The following PIK3CD variants were observed in gnomAD, a reference collection of about 807,000 sequenced individuals.
PIK3CD encodes phosphatidylinositol 4,5-bisphosphate 3-kinase catalytic subunit delta isoform.
In PIK3CD, 20 loss-of-function variants were observed where a neutral mutation model predicts 122.9. That is an observed-to-expected ratio of 0.16 (90% CI 0.11 to 0.24). The LOEUF (loss-of-function observed/expected upper bound fraction) is 0.24, where lower values mean the gene tolerates loss of function less well. Among genes scored for constraint, PIK3CD ranks in the 10% least tolerant of loss-of-function variants. The pLI is 1.00. For missense variants in PIK3CD, 787 were observed against 1,406.3 expected (o/e 0.56, Z 7.04); for synonymous variants, 596 against 593.4 (o/e 1.00, Z -0.06).
intron 1 of PIK3CD, among the ~76,000 whole-genome samples, chr1:9,670,916 C>A (rs1488395639): frequency 6.6e-6 from 1 of 151,962 alleles, no homozygotes; most frequent in African/African-American, 2.4e-5. Flanking sequence ...CACCACCACA[C>A]CCAGCTAATT....
At chr1:9,668,808 G>C (rs1372028509) in intron 1 of PIK3CD, among the ~76,000 whole-genome samples, 1 of 152,180 alleles carries the variant, frequency 6.6e-6, no homozygotes, top group Non-Finnish European at 1.5e-5. Context: ...CTGGCTGACT[G>C]GATCTGGGTG....
intron 2 of PIK3CD, among the ~76,000 whole-genome samples, chr1:9,706,953 C>T (rs547859821): frequency 2.0e-5 from 3 of 151,396 alleles, no homozygotes; most frequent in Non-Finnish European, 4.4e-5. Context: ...TACAGGCACG[C>T]TCCACCATGC....
rs190976097 is a variant in PIK3CD, at chr1:9,708,083, C to T, written c.-32-2341C>T. On this transcript the variant is annotated intron_variant, in intron 2 of 23. Coordinates refer to ENST00000377346, the MANE Select transcript of PIK3CD (RefSeq NM_005026.5). ...TGCTGAGATTACAGGCGTGAGCCACCGCGCCTGGTCCCGCCTGGGTAAATC... is the reference window on the plus strand; with the variant it reads ...TGCTGAGATTACAGGCGTGAGCCACTGCGCCTGGTCCCGCCTGGGTAAATC... 5.3e-3 allele frequency among the ~76,000 whole-genome samples: 813 copies of T among 152,218 alleles called. 18 individuals are homozygous for T. The highest frequency in any genetic ancestry group is 0.044 in the East Asian group (226 of 5,174).
In PIK3CD at chr1:9,710,632, C is replaced by CAGAGAGAG. The variant is rs34885574; in HGVS notation, c.141+52_141+59dup. 9 of 1,528,106 alleles carry CAGAGAGAG rather than the reference C, an allele frequency of 5.9e-6. No individual in the cohort carries two copies. The highest frequency in any genetic ancestry group is 4.2e-5 in the African/African-American group (3 of 71,970). 94.7% of individuals were successfully genotyped at this position (1,528,106 alleles called of 1,614,324 possible). ...CATCCGGTCCTCAGACCTTGGTGCT[C>CAGAGAGAG]AGAGAGAGAGAGAGAGAGAGAGACA... On this transcript the variant is annotated intron_variant, in intron 3 of 23. Transcript: ENST00000377346. This position sits in a 1 kb window ranked among gnomAD's most constrained non-coding sequence, Gnocchi z 4.7.
chr1:9,704,775 A>G lies in PIK3CD; in HGVS notation c.-32-5649A>G, dbSNP rs1433379881. ...GTGATCCACTGGCCTCAGCCTCCCA[A>G]AGTGCTGGGATTACAGGCGTGAGCC... On this transcript the variant is annotated intron_variant, in intron 2 of 23. Transcript: ENST00000377346. This position sits in a 1 kb window ranked among gnomAD's most constrained non-coding sequence, Gnocchi z 5.0. Among the ~76,000 whole-genome samples, 1 of 152,196 alleles carries G rather than the reference A, an allele frequency of 6.6e-6. No homozygotes were observed. The highest frequency in any genetic ancestry group is 1.5e-5 in the Non-Finnish European group (1 of 68,012).
At chr1:9,699,145 G>C (rs910481218) in intron 2 of PIK3CD, among the ~76,000 whole-genome samples, 2 of 152,168 alleles carry the variant, frequency 1.3e-5, no homozygotes, top group Admixed American at 1.3e-4. Flanking sequence ...ACGAGGTCAA[G>C]GCTACAGTGA....
At chr1:9,627,356 C>T in the PIK3CD span, among the ~76,000 whole-genome samples, 417 of 152,358 alleles carry the variant, frequency 2.7e-3, 2 homozygotes, top group African/African-American at 9.4e-3. Context: ...AGGTGTGCAC[C>T]TCCACAGCTG....
chr1:9,673,180 C>A (rs1313927825), intron 1 of PIK3CD, among the ~76,000 whole-genome samples: 2 of 151,578 alleles, frequency 1.3e-5, no homozygotes, highest in Non-Finnish European at 2.9e-5. Context: ...TTTTCTGCAG[C>A]CTTGACCTCC....
Position 9,704,545 on chromosome 1 carries a change from C to A in PIK3CD, c.-32-5879C>A, listed in dbSNP as rs1646758760. On this transcript the variant is annotated intron_variant, in intron 2 of 23. Coordinates refer to ENST00000377346, the MANE Select transcript of PIK3CD (RefSeq NM_005026.5). This position sits in a 1 kb window ranked among gnomAD's most constrained non-coding sequence, Gnocchi z 5.0. ...GTTTTGTTTTTGAGACAGGGTCTCACTCTATTGCCCAGGCTGGAGTGCAGT... is the reference window on the plus strand; with the variant it reads ...GTTTTGTTTTTGAGACAGGGTCTCAATCTATTGCCCAGGCTGGAGTGCAGT... Among the ~76,000 whole-genome samples, 1 of 152,196 alleles carries A rather than the reference C, an allele frequency of 6.6e-6. No individual in the cohort carries two copies. The highest frequency in any genetic ancestry group is 1.5e-5 in the Non-Finnish European group (1 of 68,038).
At chr1:9,639,325 G>A in the PIK3CD span, among the ~76,000 whole-genome samples, 1 of 152,092 alleles carries the variant, frequency 6.6e-6, no homozygotes, top group Non-Finnish European at 1.5e-5. Flanking sequence ...TATCTAGAGA[G>A]ATAGAGGCTT....
intron 1 of PIK3CD, among the ~76,000 whole-genome samples, chr1:9,669,812 A>G (rs1645268740): frequency 6.6e-6 from 1 of 152,108 alleles, no homozygotes. Flanking sequence ...CTTCATGAGA[A>G]TTTTCTTCTA....
rs1414597171 is a variant in PIK3CD, at chr1:9,727,285, T to C, written c.*239T>C. On this transcript the variant is annotated 3_prime_UTR_variant, in exon 24 of 24. Transcript: ENST00000377346. ...GTGCTGGGCCCCCCGAGGCTGCACCTGGCTCTCGGCTGAGGATTGTCACCC... is the reference window on the plus strand; with the variant it reads ...GTGCTGGGCCCCCCGAGGCTGCACCCGGCTCTCGGCTGAGGATTGTCACCC... 1 of 560,222 alleles carries C rather than the reference T, an allele frequency of 1.8e-6. No individual in the cohort carries two copies. The highest frequency in any genetic ancestry group is 3.2e-6 in the Non-Finnish European group (1 of 312,344). The allele number at this position is 560,222 out of a possible 1,614,324, so 34.7% of individuals were successfully genotyped here.
intron 1 of PIK3CD, among the ~76,000 whole-genome samples, chr1:9,657,332 G>A (rs2100770264): frequency 6.6e-6 from 1 of 152,214 alleles, no homozygotes; most frequent in South Asian, 2.1e-4. Context: ...CTATCTTTGT[G>A]GGGGCCACCA....
chr1:9,721,943 T>C (rs1648745190), intron 16 of PIK3CD, 32 bp from the exon 17 acceptor site: 1 of 1,613,008 alleles, frequency 6.2e-7, no homozygotes, highest in Non-Finnish European at 8.5e-7. Context: ...GGCTGGGACC[T>C]GCCCACCGCC....
intron 1 of PIK3CD, among the ~76,000 whole-genome samples, chr1:9,674,692 CAAA>C (rs35463378): frequency 1.9e-4 from 11 of 58,210 alleles, no homozygotes; most frequent in South Asian, 5.9e-4. Context: ...GACTCCGTCT[CAAA>C]AAAAAAAAAA....
Position 9,715,914 on chromosome 1 carries a change from T to A in PIK3CD, c.436T>A (p.Phe146Ile), listed in dbSNP as rs142285826. The A allele has an allele frequency of 9.2e-4, 1,463 of 1,582,446 alleles. 1 individual carries two copies. Among genetic ancestry groups the A allele is most frequent in the Non-Finnish European group, 8.6e-4 (1,003 of 1,161,640 alleles). ...CGACTTTCGCGCCAAGATGTGCCAATTCTGCGAGGAGGCGGCCGCCCGCCG... is the reference window on the plus strand; with the variant it reads ...CGACTTTCGCGCCAAGATGTGCCAAATCTGCGAGGAGGCGGCCGCCCGCCG... ...VNDFRAKMCQ[F>I]CEEAAARRQQ... The change falls in exon 5 of 24, where the codon TTC becomes ATC. Residue 146 changes from phenylalanine (F) to isoleucine (I), a missense_variant. Phe to Ile is a conservative substitution (Grantham distance 21). Coordinates refer to ENST00000377346, the MANE Select transcript of PIK3CD (RefSeq NM_005026.5). The surrounding 1 kb of genome is among the most constrained non-coding windows in gnomAD (Gnocchi z 4.1).
At chr1:9,654,211 G>A (rs1423697460) in intron 1 of PIK3CD, 18 of 1,367,444 alleles carry the variant, frequency 1.3e-5, no homozygotes, top group Non-Finnish European at 1.8e-5. Flanking sequence ...GATGTTTCTG[G>A]AATTAGGGCA....
At chr1:9,643,479 G>C in the PIK3CD span, among the ~76,000 whole-genome samples, 1 of 130,594 alleles carries the variant, frequency 7.7e-6, no homozygotes, top group Admixed American at 7.7e-5. Context: ...AAGGAAGGGA[G>C]GGAGGGAGGG....
the PIK3CD span, among the ~76,000 whole-genome samples, chr1:9,637,984 G>A: frequency 6.6e-6 from 1 of 152,142 alleles, no homozygotes; most frequent in South Asian, 2.1e-4. Flanking sequence ...GCAGGCGCCT[G>A]TAGTCCCAGC....
Sources: gnomAD v4.1 joint callset for allele counts (sites outside exome capture counted in the v4.1 genomes callset) on GRCh38, gnomAD v4.1.1 for gene constraint, Gnocchi (gnomAD v3.1) non-coding constraint, MANE v1.5 for transcripts, NCBI Gene and HGNC (gene_info 2026-07-23, HGNC 2026-07-21) for gene names.